Variants in PEX5 observed in about 807,000 individuals in gnomAD.
The protein encoded by PEX5 is PTS1 receptor.
PEX5 carries 52 observed loss-of-function variants against 82.9 expected under a neutral mutation model. The ratio of observed to expected loss-of-function variants is 0.63; its 90% confidence interval spans 0.50 to 0.79. The LOEUF is 0.79. Ranked by LOEUF, PEX5 falls within the 30% of genes least tolerant of loss-of-function variation. The pLI is 0.00. For missense variants in PEX5, 719 were observed against 815.2 expected (o/e 0.88, Z 1.44); for synonymous variants, 300 against 318.8 (o/e 0.94, Z 0.63).
Position 7,209,834 on chromosome 12 carries a change from C to A in PEX5, c.1712C>A (p.Ala571Asp). 1 of 1,614,226 alleles carries A rather than the reference C, an allele frequency of 6.2e-7. No individual in the cohort carries two copies. Among genetic ancestry groups the A allele is most frequent in the Non-Finnish European group, 8.5e-7 (1 of 1,180,030 alleles). Residue 571 changes from alanine to aspartate, a missense_variant, in exon 15 of 16, where the codon GCT (alanine) becomes GAT (aspartate). By Grantham distance (126) the Ala-to-Asp change is moderately radical. Coordinates refer to ENST00000675855, the MANE Select transcript of PEX5 (RefSeq NM_001351132.2). ...NLGISCINLG[A>D]HREAVEHFLE... ...GGCATCAGCTGCATCAACCTCGGGG[C>A]TCACCGGTGAGAGTATCTATTGAGA...
intron 1 of PEX5, 181 bp from the exon 2 acceptor site, chr12:7,190,181 G>GAGAGA: frequency 2.0e-6 from 3 of 1,516,924 alleles, no homozygotes; most frequent in Non-Finnish European, 2.6e-6. Flanking sequence ...GGGGCGGCAG[G>GAGAGA]AGAGAGTACC....
At chr12:7,205,748 G>A (rs149154986) in intron 10 of PEX5, among the ~76,000 whole-genome samples, 45 of 152,290 alleles carry the variant, frequency 3.0e-4, no homozygotes, top group African/African-American at 1.0e-3. Context: ...AGCAATTGAT[G>A]AGACTTCAAG....
At chr12:7,202,577 G>T in intron 8 of PEX5, 35 bp from the exon 9 acceptor site, 1 of 1,566,302 alleles carries the variant, frequency 6.4e-7, no homozygotes, top group East Asian at 2.2e-5. Flanking sequence ...TAGAAAGTTG[G>T]TGGTAGTGGT....
rs769818848 is a variant in PEX5 at position 7,197,807 on chromosome 12, C to T, written c.449-1204C>T. On this transcript the variant is annotated intron_variant, in intron 5 of 15. Transcript: ENST00000675855. ...TAGTATCAGCTAATATTTTCACACC[C>T]CTGCCCAAATGTCCCTCTTTAATGC... Among the ~76,000 whole-genome samples, 117 of 152,192 alleles carry T rather than the reference C, an allele frequency of 7.7e-4. No individual in the cohort carries two copies. The Middle Eastern group carries it at 0.014, about 18-fold the overall frequency.
chr12:7,213,388 A>C (rs1252056081), downstream of PEX5, among the ~76,000 whole-genome samples: 1 of 147,478 alleles, frequency 6.8e-6, no homozygotes, highest in Non-Finnish European at 1.5e-5. Flanking sequence ...AGAGATATAG[A>C]TCAATGGAAC....
In PEX5 at chr12:7,210,537, A is replaced by G. The variant is rs1243911505; in HGVS notation, c.*314A>G. The G allele has an allele frequency of 2.1e-6, 1 of 472,486 alleles. No individual in the cohort carries two copies. The highest frequency in any genetic ancestry group is 3.9e-6 in the Non-Finnish European group (1 of 255,546). 29.3% of individuals were successfully genotyped at this position (472,486 alleles called of 1,614,324 possible). ...GACCCCACGATTTAGGGTAACTGTT[A>G]TCATCAGCTGCCATTTCTGATAGGG... On this transcript the variant is annotated 3_prime_UTR_variant, in exon 16 of 16. Coordinates refer to ENST00000675855, the MANE Select transcript of PEX5 (RefSeq NM_001351132.2).
At position 7,203,541 on chromosome 12, in the gene PEX5, C is replaced by G. The variant is rs1310273629; in HGVS notation, c.956C>G (p.Thr319Ser). ...LSDYDDLTSA[T>S]YDKGYQFEEE... ...GACTATGATGACCTTACGTCAGCTA[C>G]CTATGATAAGGTGAGGTAAAAACTC... is the stretch of plus-strand genomic sequence containing the variant. Residue 319 changes from threonine to serine, a missense_variant, in exon 10 of 16, where the codon ACC (threonine) becomes AGC (serine). Coordinates refer to ENST00000675855, the MANE Select transcript of PEX5 (RefSeq NM_001351132.2). 1.2e-6 allele frequency: 2 copies of G among 1,613,692 alleles called. No homozygotes were observed. Among genetic ancestry groups the G allele is most frequent in the Non-Finnish European group, 1.7e-6 (2 of 1,179,916 alleles).
At position 7,191,238 on chromosome 12, in the gene PEX5, T is replaced by C. The variant is rs757539708; in HGVS notation, c.196T>C (p.Phe66Leu). The change falls in exon 4 of 16, where the codon TTC becomes CTC. Residue 66 changes from phenylalanine (F) to leucine (L), a missense_variant. Physicochemically the swap from Phe to Leu is conservative, Grantham distance 22. Transcript: ENST00000675855. ...TCCCTTCTGGCAGTTGGTGGCTGAATTCCTGCAGGACCAGAATGCACCCCT... is the reference window on the plus strand; with the variant it reads ...TCCCTTCTGGCAGTTGGTGGCTGAACTCCTGCAGGACCAGAATGCACCCCT... ...VASEDELVAE[F>L]LQDQNAPLVS... 5 of 1,614,196 alleles carry C rather than the reference T, an allele frequency of 3.1e-6. No individual in the cohort carries two copies. Among genetic ancestry groups the C allele is most frequent in the Admixed American group, 1.7e-5 (1 of 60,026 alleles).
At chr12:7,202,542 G>T in intron 8 of PEX5, 70 bp from the exon 9 acceptor site, 1 of 1,447,048 alleles carries the variant, frequency 6.9e-7, no homozygotes. Context: ...GGTGGTTAGT[G>T]GGTATTTAGT....
intron 5 of PEX5, among the ~76,000 whole-genome samples, chr12:7,196,106 TCTTA>T (rs1021799403): frequency 4.1e-5 from 4 of 96,930 alleles, no homozygotes; most frequent in Non-Finnish European, 1.0e-4. Context: ...ATAACGTATT[TCTTA>T]TTACATTATG....
At chr12:7,199,476 C>T (rs1306053425) in intron 6 of PEX5, among the ~76,000 whole-genome samples, 2 of 150,682 alleles carry the variant, frequency 1.3e-5, no homozygotes, top group African/African-American at 4.9e-5. Context: ...ATCCATTTAA[C>T]CCTGAGTGAA....
chr12:7,191,983 T>G (rs1051834074), intron 5 of PEX5, among the ~76,000 whole-genome samples: 3 of 152,164 alleles, frequency 2.0e-5, no homozygotes, highest in Admixed American at 1.3e-4. Flanking sequence ...GATCTACAGA[T>G]TGGATGGATG....
At chr12:7,216,667 C>T (rs923104050) in intron 17 of PEX5, among the ~76,000 whole-genome samples, 1 of 152,098 alleles carries the variant, frequency 6.6e-6, no homozygotes, top group Non-Finnish European at 1.5e-5. Flanking sequence ...AGACCCAGAA[C>T]CTGGAATAAA....
intron 3 of PEX5, 131 bp from the exon 4 acceptor site, chr12:7,191,095 T>C: frequency 8.3e-7 from 1 of 1,197,916 alleles, no homozygotes; most frequent in South Asian, 1.2e-5. Flanking sequence ...AGACAGTTTC[T>C]CTTTATGTGT....
At chr12:7,190,176 G>A (rs1183910540) in intron 1 of PEX5, 186 bp from the exon 2 acceptor site, 18 of 1,507,362 alleles carry the variant, frequency 1.2e-5, no homozygotes, top group Admixed American at 6.3e-5. Context: ...TGAGGGGGGC[G>A]GCAGGAGAGA....
chr12:7,208,277 T>C (rs946202788), intron 12 of PEX5, among the ~76,000 whole-genome samples, 180 bp from the exon 13 acceptor site: 37 of 152,236 alleles, frequency 2.4e-4, no homozygotes, highest in Admixed American at 1.3e-4. Context: ...TTTGGTTGGC[T>C]CCTTGCCTGC....
At chr12:7,214,493 A>G (rs1591820484), downstream of PEX5, among the ~76,000 whole-genome samples, 1 of 146,326 alleles carries the variant, frequency 6.8e-6, no homozygotes, top group East Asian at 2.1e-4. Context: ...GCATGTTCTC[A>G]CTCATAGGTG....
At chr12:7,199,673 A>T (rs1156764482) in intron 6 of PEX5, among the ~76,000 whole-genome samples, 1 of 149,918 alleles carries the variant, frequency 6.7e-6, no homozygotes, top group African/African-American at 2.4e-5. Context: ...TTTCTATTCC[A>T]CAAAACCGCC....
chr12:7,200,806 GGCAGGGAGGTT>G (rs1943776038), intron 6 of PEX5, among the ~76,000 whole-genome samples: 2 of 151,382 alleles, frequency 1.3e-5, no homozygotes, highest in Non-Finnish European at 2.9e-5. Context: ...AGGAGAATCA[GGCAGGGAGGTT>G]GCAGGGAGCC....
Sources: gnomAD v4.1 joint callset for allele counts (sites outside exome capture counted in the v4.1 genomes callset) on GRCh38, gnomAD v4.1.1 for gene constraint, MANE v1.5 for transcripts, NCBI Gene and HGNC (gene_info 2026-07-23, HGNC 2026-07-21) for gene names.